The following VDAC1 variants were observed in gnomAD, a reference collection of about 807,000 sequenced individuals.
The protein encoded by VDAC1 is voltage dependent anion channel 1.
In VDAC1, 10 loss-of-function variants were observed where a neutral mutation model predicts 34.7. The ratio of observed to expected loss-of-function variants is 0.29; its 90% CI spans 0.18 to 0.49. The LOEUF (loss-of-function observed/expected upper bound fraction) is 0.49. Among genes scored for constraint, VDAC1 ranks in the 20% least tolerant of loss-of-function variants. The pLI is 0.99. For synonymous variants in VDAC1, 130 were observed against 136.0 expected (o/e 0.96, Z 0.30); for missense variants, 230 against 347.9 (o/e 0.66, Z 2.69).
intron 8 of VDAC1, 111 bp downstream of exon 8, chr5:133,973,676 TTATA>T (rs1056693679): frequency 8.0e-6 from 7 of 871,526 alleles, no homozygotes; most frequent in Non-Finnish European, 1.3e-5. Context: ...ATATATCCAT[TTATA>T]TATACCCACT....
chr5:134,035,890 G>A, the VDAC1 span, among the ~76,000 whole-genome samples: 3 of 151,378 alleles, frequency 2.0e-5, no homozygotes, highest in East Asian at 5.9e-4. Context: ...CCTGAAATCC[G>A]AGCTACTAGG....
chr5:134,024,601 TAAA>T, the VDAC1 span, among the ~76,000 whole-genome samples: 7 of 138,446 alleles, frequency 5.1e-5, no homozygotes, highest in African/African-American at 1.6e-4. Flanking sequence ...GATAGAAACT[TAAA>T]AAAAAAAAAA....
the VDAC1 span, among the ~76,000 whole-genome samples, chr5:134,085,738 A>AAAAAAAAAAAAC: frequency 6.7e-6 from 1 of 148,896 alleles, no homozygotes; most frequent in South Asian, 2.1e-4. Context: ...AAAAAAAAAA[A>AAAAAAAAAAAAC]AAAAAAAAAA....
At chr5:134,017,120 C>G in the VDAC1 span, among the ~76,000 whole-genome samples, 1 of 152,206 alleles carries the variant, frequency 6.6e-6, no homozygotes, top group Non-Finnish European at 1.5e-5. Flanking sequence ...TTTCTCCTCT[C>G]TTTCCTTATT....
At chr5:134,018,430 A>G in the VDAC1 span, among the ~76,000 whole-genome samples, 1 of 152,142 alleles carries the variant, frequency 6.6e-6, no homozygotes, top group Non-Finnish European at 1.5e-5. Context: ...ATATTCCAAC[A>G]TGAGATTTGG....
chr5:134,068,942 GA>G, the VDAC1 span, among the ~76,000 whole-genome samples: 1 of 148,418 alleles, frequency 6.7e-6, no homozygotes, highest in African/African-American at 2.5e-5. Flanking sequence ...ATTTAGAACA[GA>G]AAAAAACTTC....
At chr5:134,010,576 G>T in the VDAC1 span, among the ~76,000 whole-genome samples, 1 of 152,024 alleles carries the variant, frequency 6.6e-6, no homozygotes, top group Non-Finnish European at 1.5e-5. Flanking sequence ...CCAGCCTGGG[G>T]GACAAGAGCG....
chr5:134,057,179 A>C, the VDAC1 span, among the ~76,000 whole-genome samples: 1 of 152,218 alleles, frequency 6.6e-6, no homozygotes, highest in South Asian at 2.1e-4. Context: ...TACTAAAAAT[A>C]TAAAATTAGC....
intron 7 of VDAC1, among the ~76,000 whole-genome samples, chr5:133,975,595 G>T (rs1752446491): frequency 6.6e-6 from 1 of 151,852 alleles, no homozygotes; most frequent in Non-Finnish European, 1.5e-5. Flanking sequence ...CGAGTAGCTG[G>T]GATTACAGGC....
At chr5:134,073,313 A>G in the VDAC1 span, among the ~76,000 whole-genome samples, 5 of 152,196 alleles carry the variant, frequency 3.3e-5, no homozygotes, top group Admixed American at 1.3e-4. Flanking sequence ...CAAAGTCCTT[A>G]AACCAGGGGC....
the VDAC1 span, among the ~76,000 whole-genome samples, chr5:134,059,757 C>T: frequency 4.5e-4 from 69 of 152,122 alleles, no homozygotes; most frequent in African/African-American, 1.5e-3. Flanking sequence ...AACAAAATTC[C>T]TTTCAGTTCA....
At chr5:134,021,352 G>A in the VDAC1 span, among the ~76,000 whole-genome samples, 3 of 97,336 alleles carry the variant, frequency 3.1e-5, no homozygotes, top group South Asian at 4.0e-4. Context: ...CCCACCCTCC[G>A]AAAGGCCCTG....
chr5:134,080,720 G>C, the VDAC1 span, among the ~76,000 whole-genome samples: 1 of 152,172 alleles, frequency 6.6e-6, no homozygotes, highest in Non-Finnish European at 1.5e-5. Context: ...TCCTGGACAT[G>C]GTTCTATTCT....
At chr5:134,057,530 T>TATATCC in the VDAC1 span, among the ~76,000 whole-genome samples, 1 of 148,414 alleles carries the variant, frequency 6.7e-6, no homozygotes, top group Non-Finnish European at 1.5e-5. Flanking sequence ...TATCTATATC[T>TATATCC]ATATCTATAT....
intron 1 of VDAC1, among the ~76,000 whole-genome samples, chr5:134,003,918 T>C (rs1260315223): frequency 2.0e-5 from 3 of 152,200 alleles, no homozygotes; most frequent in African/African-American, 7.2e-5. Context: ...ACCGCCGCAT[T>C]TGGCGAATGA....
chr5:134,077,189 A>G, the VDAC1 span, among the ~76,000 whole-genome samples: 1 of 145,504 alleles, frequency 6.9e-6, no homozygotes, highest in Non-Finnish European at 1.5e-5. Context: ...AGGCACAGGA[A>G]TTGCTTGAAC....
intron 1 of VDAC1, among the ~76,000 whole-genome samples, chr5:133,995,953 T>C (rs1753285832): frequency 6.6e-6 from 1 of 152,012 alleles, no homozygotes; most frequent in Non-Finnish European, 1.5e-5. Context: ...CACCCAGATC[T>C]GCTCCAAATC....
chr5:134,035,070 T>G, the VDAC1 span, among the ~76,000 whole-genome samples: 2 of 151,880 alleles, frequency 1.3e-5, no homozygotes, highest in Non-Finnish European at 2.9e-5. Context: ...GGACATCTAA[T>G]GCCCAGATCT....
chr5:134,084,210 A>G, the VDAC1 span, among the ~76,000 whole-genome samples: 3 of 152,150 alleles, frequency 2.0e-5, no homozygotes, highest in African/African-American at 7.2e-5. Context: ...CAAGAAAGGA[A>G]ACCTGTTGAT....
Sources: allele counts gnomAD v4.1 joint callset (sites outside exome capture counted in the v4.1 genomes callset), GRCh38; gene constraint gnomAD v4.1.1; transcripts MANE v1.5; gene names NCBI Gene and HGNC (gene_info 2026-07-23, HGNC 2026-07-21).